CAST: variants seen among roughly 807,000 people sequenced by gnomAD.
CAST encodes the protein MIR583 host.
Under a neutral mutation model 119.6 loss-of-function variants are expected in CAST, and 76 were observed. The observed-to-expected ratio is 0.64, with a 90% CI of 0.53 to 0.77. The LOEUF (loss-of-function observed/expected upper bound fraction) is 0.77. Ranked by LOEUF, CAST falls within the 30% of genes least tolerant of loss-of-function variation. The pLI is 0.00. For missense variants in CAST, 953 were observed against 946.5 expected (o/e 1.01, Z -0.09); for synonymous variants, 319 against 331.6 (o/e 0.96, Z 0.41).
intron 3 of CAST, among the ~76,000 whole-genome samples, chr5:96,716,756 TATTG>T (rs1320153983): frequency 6.6e-6 from 1 of 152,248 alleles, no homozygotes; most frequent in African/African-American, 2.4e-5. Context: ...AAAAATTAGT[TATTG>T]ATTTGTCAGA....
chr5:96,039,500 G>T, the CAST span, among the ~76,000 whole-genome samples: 1 of 152,050 alleles, frequency 6.6e-6, no homozygotes, highest in Non-Finnish European at 1.5e-5. Context: ...GATTTTTATG[G>T]TCCTAGGTCT....
intron 3 of CAST, among the ~76,000 whole-genome samples, chr5:96,696,740 C>G (rs1459901034): frequency 6.7e-6 from 1 of 148,446 alleles, no homozygotes; most frequent in African/African-American, 2.5e-5. Flanking sequence ...CCTATAGTCC[C>G]AGCTACTCAG....
At chr5:96,117,655 G>A in the CAST span, among the ~76,000 whole-genome samples, 1 of 152,154 alleles carries the variant, frequency 6.6e-6, no homozygotes, top group Non-Finnish European at 1.5e-5. Context: ...GATAGAATAA[G>A]GAATGACTGT....
chr5:96,113,822 T>C, the CAST span, among the ~76,000 whole-genome samples: 1 of 152,244 alleles, frequency 6.6e-6, no homozygotes, highest in Non-Finnish European at 1.5e-5. Context: ...TAGTCAATCC[T>C]TGATGACTCC....
the CAST span, chr5:96,416,187 G>A: frequency 9.5e-7 from 1 of 1,049,102 alleles, no homozygotes; most frequent in Non-Finnish European, 1.5e-6. Flanking sequence ...GCATATGAAT[G>A]AATTAATGGG....
chr5:96,689,392 A>G (rs982811194), intron 2 of CAST, among the ~76,000 whole-genome samples: 9 of 152,120 alleles, frequency 5.9e-5, no homozygotes, highest in Non-Finnish European at 1.3e-4. Context: ...CTTCTTTTAA[A>G]CTGTAGGTAT....
the CAST span, among the ~76,000 whole-genome samples, chr5:96,417,848 G>A: frequency 3.3e-5 from 5 of 152,184 alleles, no homozygotes; most frequent in South Asian, 4.1e-4. Context: ...ATGGATGAAC[G>A]CTCTTTGCCT....
chr5:96,551,567 A>C (rs952027708), intron 1 of CAST, among the ~76,000 whole-genome samples: 4 of 152,206 alleles, frequency 2.6e-5, no homozygotes. Context: ...CACACATAAC[A>C]ATATTAACCT....
the CAST span, among the ~76,000 whole-genome samples, chr5:96,280,286 C>T: frequency 7.0e-3 from 1,069 of 152,092 alleles, 15 homozygotes; most frequent in African/African-American, 0.024. Flanking sequence ...TCCCCCAGTC[C>T]CCACACACAC....
chr5:96,381,022 C>A, the CAST span, among the ~76,000 whole-genome samples: 1 of 152,116 alleles, frequency 6.6e-6, no homozygotes, highest in South Asian at 2.1e-4. Flanking sequence ...ATATCCACAA[C>A]TATGTTCCTT....
At chr5:96,096,352 G>A in the CAST span, among the ~76,000 whole-genome samples, 1 of 152,148 alleles carries the variant, frequency 6.6e-6, no homozygotes, top group Non-Finnish European at 1.5e-5. Flanking sequence ...CAGTCCTAAG[G>A]GCTTAGTAAA....
At chr5:96,503,859 C>T in the CAST span, among the ~76,000 whole-genome samples, 1 of 152,110 alleles carries the variant, frequency 6.6e-6, no homozygotes, top group Non-Finnish European at 1.5e-5. Context: ...TTCGTAAGAG[C>T]GCTTCACTCT....
chr5:96,432,105 A>T, the CAST span: 16 of 1,535,426 alleles, frequency 1.0e-5, no homozygotes, highest in Non-Finnish European at 1.4e-5. Flanking sequence ...CAAGAAAGAA[A>T]TAGATCCCTT....
chr5:96,401,074 G>C, the CAST span, among the ~76,000 whole-genome samples: 1 of 125,672 alleles, frequency 8.0e-6, no homozygotes, highest in Non-Finnish European at 1.6e-5. Context: ...GCTAAAGAGC[G>C]GGACTCCGTC....
At chr5:96,504,524 C>CTT in the CAST span, among the ~76,000 whole-genome samples, 75 of 146,758 alleles carry the variant, frequency 5.1e-4, 1 homozygote, top group South Asian at 5.7e-3. Context: ...GCTTAGAATA[C>CTT]TTTTTTTTTT....
chr5:96,171,858 G>C, the CAST span, among the ~76,000 whole-genome samples: 1 of 152,236 alleles, frequency 6.6e-6, no homozygotes, highest in Non-Finnish European at 1.5e-5. Flanking sequence ...GAGGTCGTAA[G>C]TAGATCTTTC....
At chr5:96,229,429 A>G in the CAST span, among the ~76,000 whole-genome samples, 1 of 152,002 alleles carries the variant, frequency 6.6e-6, no homozygotes. Context: ...GAAAGCATCC[A>G]TTGGAAAAAA....
chr5:96,115,109 A>T, the CAST span, among the ~76,000 whole-genome samples: 1 of 152,240 alleles, frequency 6.6e-6, no homozygotes, highest in Non-Finnish European at 1.5e-5. Flanking sequence ...TATTGCTTGC[A>T]TTCTTTCTTG....
the CAST span, among the ~76,000 whole-genome samples, chr5:96,328,498 C>T: frequency 1.3e-5 from 2 of 149,398 alleles, no homozygotes; most frequent in Non-Finnish European, 3.0e-5. Context: ...CGTTTGTGTA[C>T]ACTTTTCAGA....
Sources: allele counts gnomAD v4.1 joint callset (sites outside exome capture counted in the v4.1 genomes callset), GRCh38; gene constraint gnomAD v4.1.1; transcripts MANE v1.5; gene names NCBI Gene and HGNC (gene_info 2026-07-23, HGNC 2026-07-21).